Variants in FRY observed in about 807,000 individuals in gnomAD.
The protein encoded by FRY is FRY microtubule binding protein.
A neutral mutation model predicts 348.4 loss-of-function variants in FRY; 128 were observed. The observed-to-expected ratio is 0.37, with a 90% confidence interval of 0.32 to 0.43. FRY has a LOEUF of 0.43. FRY is among the 20% of genes least tolerant of loss of function. The probability of loss-of-function intolerance (pLI) is 1.00; values close to 1 mark genes in which losing one functional copy is unlikely to be tolerated. For synonymous variants in FRY, 1,370 were observed against 1,374.7 expected (o/e 1.00, Z 0.08); for missense variants, 2,736 against 3,695.2 (o/e 0.74, Z 6.73).
At chr13:32,158,702 G>T (rs1410642969) in intron 16 of FRY, among the ~76,000 whole-genome samples, 2 of 152,084 alleles carry the variant, frequency 1.3e-5, no homozygotes, top group Non-Finnish European at 2.9e-5. Flanking sequence ...CAGACCACTT[G>T]AGGTCAAGAG....
At chr13:32,277,316 T>TA (rs1888580981) in intron 57 of FRY, among the ~76,000 whole-genome samples, 1 of 152,236 alleles carries the variant, frequency 6.6e-6, no homozygotes, top group Admixed American at 6.5e-5. Flanking sequence ...GCAGCATCTG[T>TA]AAGCCCTTGG....
intron 50 of FRY, among the ~76,000 whole-genome samples, chr13:32,252,333 G>A (rs181220609): frequency 3.1e-4 from 47 of 151,828 alleles, no homozygotes; most frequent in East Asian, 1.7e-3. Context: ...CTGTACACAC[G>A]CTTCTTACTC....
At chr13:32,246,294 A>C (rs1236772475) in intron 47 of FRY, among the ~76,000 whole-genome samples, 1 of 151,278 alleles carries the variant, frequency 6.6e-6, no homozygotes, top group East Asian at 1.9e-4. Context: ...TAATAATAAC[A>C]ACTTTCATCA....
At chr13:32,188,877 A>G (rs1402501314) in intron 28 of FRY, among the ~76,000 whole-genome samples, 1 of 152,118 alleles carries the variant, frequency 6.6e-6, no homozygotes, top group East Asian at 1.9e-4. Context: ...TGCCCGTCAC[A>G]TGGAACATTT....
intron 54 of FRY, 30 bp downstream of exon 54, chr13:32,265,646 T>C (rs1164259499): frequency 6.2e-7 from 1 of 1,603,048 alleles, no homozygotes. Flanking sequence ...ATGTGAGTGG[T>C]GTGAATGTGC....
chr13:32,123,553 T>A (rs1878815788), intron 4 of FRY, among the ~76,000 whole-genome samples: 1 of 152,220 alleles, frequency 6.6e-6, no homozygotes, highest in African/African-American at 2.4e-5. Flanking sequence ...TATTATTTCC[T>A]TCTTGTTTCC....
chr13:32,163,806 A>G (rs1315730061), intron 17 of FRY, among the ~76,000 whole-genome samples: 1 of 152,192 alleles, frequency 6.6e-6, no homozygotes, highest in Admixed American at 6.5e-5. Context: ...TTGGAATGCT[A>G]GTGCTATTTA....
chr13:32,160,606 A>G (rs1881384326), intron 16 of FRY, among the ~76,000 whole-genome samples: 1 of 152,196 alleles, frequency 6.6e-6, no homozygotes, highest in South Asian at 2.1e-4. Flanking sequence ...AAAGTCAGAA[A>G]TGGGTGCACA....
At chr13:32,283,504 T>C (rs1443284742) in intron 58 of FRY, among the ~76,000 whole-genome samples, 2 of 152,224 alleles carry the variant, frequency 1.3e-5, no homozygotes, top group African/African-American at 2.4e-5. Context: ...TATTATTCTT[T>C]GCATATGCAA....
At chr13:32,145,670 GAGT>G (rs1880392772) in intron 11 of FRY, among the ~76,000 whole-genome samples, 1 of 149,872 alleles carries the variant, frequency 6.7e-6, no homozygotes, top group Admixed American at 6.6e-5. Context: ...TCAGCCTCCC[GAGT>G]AGCTGGGACT....
intron 1 of FRY, among the ~76,000 whole-genome samples, chr13:32,041,864 T>C (rs968889823): frequency 3.9e-5 from 6 of 152,236 alleles, no homozygotes; most frequent in Admixed American, 3.3e-4. Context: ...TTCATGCCAA[T>C]TGAGAGATCA....
intron 1 of FRY, among the ~76,000 whole-genome samples, chr13:32,034,364 T>C (rs933935994): frequency 4.2e-4 from 64 of 152,224 alleles, no homozygotes; most frequent in African/African-American, 1.5e-3. Flanking sequence ...GATCAGTCGC[T>C]GGCTAGTGAG....
At chr13:32,099,954 G>GA (rs1475865832) in intron 2 of FRY, among the ~76,000 whole-genome samples, 2 of 151,976 alleles carry the variant, frequency 1.3e-5, no homozygotes, top group Non-Finnish European at 2.9e-5. Flanking sequence ...TGTGGTGCAA[G>GA]AAAAATCACA....
chr13:32,124,224 G>T, intron 4 of FRY, 62 bp from the exon 5 acceptor site: 1 of 1,010,578 alleles, frequency 9.9e-7, no homozygotes, highest in South Asian at 1.3e-5. Flanking sequence ...GATTTTTTAT[G>T]AATTGTATTA....
chr13:32,246,681 A>C (rs935148931), intron 47 of FRY, among the ~76,000 whole-genome samples: 1 of 152,250 alleles, frequency 6.6e-6, no homozygotes. Flanking sequence ...AAGGGCTGCA[A>C]GCCAAGACAC....
chr13:32,072,072 T>G (rs71210927), intron 1 of FRY, among the ~76,000 whole-genome samples: 421 of 152,286 alleles, frequency 2.8e-3, no homozygotes, highest in Non-Finnish European at 4.4e-3. Flanking sequence ...AAAGGGAGAT[T>G]AGCCTTCTAG....
chr13:32,150,762 G>T lies in FRY; in HGVS notation c.1479+928G>T, dbSNP rs565165050. 2.0e-5 allele frequency among the ~76,000 whole-genome samples: 3 copies of T among 152,324 alleles called. No individual in the cohort carries two copies. The East Asian group carries it at 5.8e-4, about 29-fold the overall frequency. The stretch of plus-strand genomic sequence containing the variant: ...CCTGGCTCCTTCATTCTGTCAGTGA[G>T]GAAGGGGGCCTGGAGGCTGGAGACT... On this transcript the variant is annotated intron_variant, in intron 14 of 60. Coordinates refer to ENST00000542859, the MANE Select transcript of FRY (RefSeq NM_023037.3).
At chr13:32,147,729 T>C in intron 12 of FRY, 110 bp from the exon 13 acceptor site, 1 of 773,840 alleles carries the variant, frequency 1.3e-6, no homozygotes, top group Non-Finnish European at 2.4e-6. Context: ...TGTTTTCTTT[T>C]TCTGAATTCT....
At chr13:32,267,646 A>G (rs916260715) in intron 55 of FRY, among the ~76,000 whole-genome samples, 6 of 152,146 alleles carry the variant, frequency 3.9e-5, no homozygotes, top group Non-Finnish European at 8.8e-5. Context: ...CATCAGGACC[A>G]TTAAGGGAAT....
Sources: gnomAD v4.1 joint callset for allele counts (sites outside exome capture counted in the v4.1 genomes callset) on GRCh38, gnomAD v4.1.1 for gene constraint, MANE v1.5 for transcripts, NCBI Gene and HGNC (gene_info 2026-07-23, HGNC 2026-07-21) for gene names.